Variants in ACTR3C observed in about 807,000 individuals in gnomAD.
The protein encoded by ACTR3C is actin-related protein 3C.
In ACTR3C, 18 loss-of-function variants were observed where a neutral mutation model predicts 26.3. The observed-to-expected ratio is 0.68, with a 90% CI of 0.47 to 1.01. The LOEUF is 1.01. Ranked by LOEUF, ACTR3C falls within the 50% of genes least tolerant of loss-of-function variation. The pLI, the probability that ACTR3C is intolerant of heterozygous loss-of-function variation, is 0.00. For synonymous variants in ACTR3C, 55 were observed against 94.5 expected (o/e 0.58, Z 2.42); for missense variants, 184 against 250.7 (o/e 0.73, Z 1.80).
At chr7:150,047,827 C>T in the ACTR3C span, 5 of 1,524,188 alleles carry the variant, frequency 3.3e-6, no homozygotes, top group Middle Eastern at 6.8e-4. Flanking sequence ...TTGATCTTGC[C>T]GGTGAACCTC....
the ACTR3C span, among the ~76,000 whole-genome samples, chr7:150,102,926 T>C: frequency 6.6e-6 from 1 of 152,102 alleles, no homozygotes. Context: ...CTGCATGTAG[T>C]AGACGTCTAG....
the ACTR3C span, among the ~76,000 whole-genome samples, chr7:150,105,328 C>T: frequency 8.6e-5 from 13 of 151,836 alleles, no homozygotes; most frequent in East Asian, 1.9e-4. Context: ...GTGATCCACC[C>T]GCCTCGGCCT....
At chr7:150,242,393 G>A (rs1033908325), downstream of ACTR3C, among the ~76,000 whole-genome samples, 6 of 150,720 alleles carry the variant, frequency 4.0e-5, no homozygotes, top group Non-Finnish European at 8.8e-5. Flanking sequence ...AGGCCAGACT[G>A]TCTGCAAAGG....
At chr7:150,110,932 C>T in the ACTR3C span, among the ~76,000 whole-genome samples, 7 of 148,750 alleles carry the variant, frequency 4.7e-5, no homozygotes, top group Non-Finnish European at 8.9e-5. Flanking sequence ...GGTCAGGGGA[C>T]ATTGGAGAGA....
the ACTR3C span, among the ~76,000 whole-genome samples, chr7:150,053,368 CT>C: frequency 8.5e-5 from 13 of 152,124 alleles, no homozygotes. Flanking sequence ...ATATGATTCC[CT>C]TCAATGTTAA....
At chr7:149,995,255 T>C in the ACTR3C span, among the ~76,000 whole-genome samples, 1 of 152,376 alleles carries the variant, frequency 6.6e-6, no homozygotes, top group Admixed American at 6.5e-5. Flanking sequence ...TAAACATTGC[T>C]GATCACCCCT....
chr7:150,312,096 G>A (rs902400647), intron 1 of ACTR3C, among the ~76,000 whole-genome samples: 2 of 152,092 alleles, frequency 1.3e-5, no homozygotes, highest in African/African-American at 2.4e-5. Context: ...AAATGCCTAC[G>A]CCAACAAAAT....
chr7:150,236,216 A>T, the ACTR3C span, among the ~76,000 whole-genome samples: 2 of 152,212 alleles, frequency 1.3e-5, no homozygotes, highest in Non-Finnish European at 2.9e-5. Flanking sequence ...TTTCTCATCA[A>T]TCTAGAGGCA....
downstream of ACTR3C, among the ~76,000 whole-genome samples, chr7:150,242,018 C>A (rs1449658927): frequency 6.6e-6 from 1 of 152,094 alleles, no homozygotes; most frequent in Non-Finnish European, 1.5e-5. Context: ...GAGTTCAAAA[C>A]CAGCCTGACC....
the ACTR3C span, among the ~76,000 whole-genome samples, chr7:150,187,049 G>A: frequency 6.6e-6 from 1 of 151,906 alleles, no homozygotes; most frequent in African/African-American, 2.4e-5. Context: ...CTATTTGAAG[G>A]AGTTATACCA....
intron 1 of ACTR3C, among the ~76,000 whole-genome samples, chr7:150,300,503 G>T (rs1162772195): frequency 6.6e-6 from 1 of 152,050 alleles, no homozygotes; most frequent in Non-Finnish European, 1.5e-5. Context: ...AGGGGGGCAC[G>T]CTCTCTAGAA....
the ACTR3C span, among the ~76,000 whole-genome samples, chr7:150,193,408 C>CTTTTTTTTTTTT: frequency 7.5e-6 from 1 of 133,470 alleles, no homozygotes; most frequent in African/African-American, 2.7e-5. Flanking sequence ...TTTTTATTTT[C>CTTTTTTTTTTTT]TTTTTTTTTT....
chr7:149,937,815 C>G, the ACTR3C span, among the ~76,000 whole-genome samples: 2 of 152,184 alleles, frequency 1.3e-5, no homozygotes, highest in Non-Finnish European at 2.9e-5. Context: ...GAATAAGGCG[C>G]ATTCTGATCC....
the ACTR3C span, among the ~76,000 whole-genome samples, chr7:150,158,989 G>A: frequency 2.0e-5 from 3 of 149,366 alleles, no homozygotes; most frequent in Non-Finnish European, 3.0e-5. Context: ...ACGCACACAC[G>A]CACACTCAGG....
At chr7:149,955,333 G>A in the ACTR3C span, among the ~76,000 whole-genome samples, 5 of 152,202 alleles carry the variant, frequency 3.3e-5, no homozygotes, top group African/African-American at 7.2e-5. Flanking sequence ...CACCTGCATC[G>A]ACTGGCTGAT....
At chr7:150,294,108 A>C (rs1482980419) in intron 2 of ACTR3C, among the ~76,000 whole-genome samples, 6 of 152,174 alleles carry the variant, frequency 3.9e-5, no homozygotes. Context: ...AATACAGATT[A>C]CTAGGCCTCA....
the ACTR3C span, among the ~76,000 whole-genome samples, chr7:150,080,517 TTGTGTGTGTATGTG>T: frequency 1.3e-5 from 2 of 148,870 alleles, no homozygotes; most frequent in African/African-American, 2.5e-5. Context: ...GTATGAGTGT[TTGTGTGTGTATGTG>T]TGTGTGTGTG....
chr7:150,035,779 T>G, the ACTR3C span, among the ~76,000 whole-genome samples: 7,135 of 117,766 alleles, frequency 0.061, 972 homozygotes, highest in Middle Eastern at 0.15. Flanking sequence ...TGCGATGGGG[T>G]TCCTAAGAGC....
the ACTR3C span, among the ~76,000 whole-genome samples, chr7:149,974,124 C>G: frequency 9.1e-6 from 1 of 109,900 alleles, no homozygotes; most frequent in Non-Finnish European, 1.8e-5. Flanking sequence ...ACCTAAAGAA[C>G]TATGGACAGT....
Sources: allele counts gnomAD v4.1 joint callset (sites outside exome capture counted in the v4.1 genomes callset), GRCh38; gene constraint gnomAD v4.1.1; transcripts MANE v1.5; gene names NCBI Gene and HGNC (gene_info 2026-07-23, HGNC 2026-07-21).